The following RIT2 variants were observed in gnomAD, a reference collection of about 807,000 sequenced individuals.
RIT2 encodes the protein GTP-binding protein Rit2.
A neutral mutation model predicts 23.7 loss-of-function variants in RIT2; 24 were observed. The ratio of observed to expected loss-of-function variants is 1.01; its 90% confidence interval spans 0.73 to 1.43. RIT2 has a LOEUF of 1.43. RIT2 is among the 40% of genes most tolerant of loss of function. RIT2 has a pLI of 0.00. For synonymous variants in RIT2, 107 were observed against 91.1 expected, an observed-to-expected ratio of 1.17 and a Z score of -0.99; for missense variants, 236 against 266.9, an observed-to-expected ratio of 0.88 and a Z score of 0.81.
At chr18:42,929,231 CT>C (rs2144142360) in intron 3 of RIT2, among the ~76,000 whole-genome samples, 1 of 151,840 alleles carries the variant, frequency 6.6e-6, no homozygotes, top group South Asian at 2.1e-4. Context: ...CAAATCTCCC[CT>C]AAGCACTGAT....
intron 4 of RIT2, among the ~76,000 whole-genome samples, chr18:42,830,956 C>G (rs1428661383): frequency 6.6e-6 from 1 of 152,152 alleles, no homozygotes; most frequent in Non-Finnish European, 1.5e-5. Context: ...ATAGTATTTT[C>G]TAATTTACTC....
At chr18:43,065,475 GTTTTTA>G (rs940594059) in intron 1 of RIT2, among the ~76,000 whole-genome samples, 1 of 151,736 alleles carries the variant, frequency 6.6e-6, no homozygotes, top group Non-Finnish European at 1.5e-5. Flanking sequence ...ATTTTTTTCT[GTTTTTA>G]TTTTTATTTT....
At chr18:42,767,709 A>T (rs1371934493) in intron 4 of RIT2, among the ~76,000 whole-genome samples, 5 of 152,150 alleles carry the variant, frequency 3.3e-5, no homozygotes, top group African/African-American at 1.2e-4. Context: ...CCAGATCTCA[A>T]CTTGAATTGT....
intron 3 of RIT2, among the ~76,000 whole-genome samples, chr18:42,943,995 C>T (rs2144162461): frequency 6.6e-6 from 1 of 152,250 alleles, no homozygotes. Flanking sequence ...TTGCAATAGA[C>T]TCCTAGCTGC....
At chr18:42,922,272 T>A (rs1909073594) in intron 4 of RIT2, among the ~76,000 whole-genome samples, 1 of 152,108 alleles carries the variant, frequency 6.6e-6, no homozygotes, top group African/African-American at 2.4e-5. Flanking sequence ...AGCATGAAAA[T>A]TCATATTTAT....
intron 1 of RIT2, among the ~76,000 whole-genome samples, chr18:43,096,456 G>A (rs1241318712): frequency 6.6e-6 from 1 of 151,770 alleles, no homozygotes; most frequent in Non-Finnish European, 1.5e-5. Flanking sequence ...TTTTAACATG[G>A]AAAATTTCAT....
At chr18:42,928,894 G>C (rs1042836218) in intron 3 of RIT2, among the ~76,000 whole-genome samples, 8 of 151,410 alleles carry the variant, frequency 5.3e-5, no homozygotes, top group Non-Finnish European at 1.2e-4. Flanking sequence ...CACATATTTT[G>C]AGGAATGCAT....
At chr18:42,804,430 C>T (rs1905621335) in intron 4 of RIT2, among the ~76,000 whole-genome samples, 2 of 151,904 alleles carry the variant, frequency 1.3e-5, no homozygotes, top group African/African-American at 4.8e-5. Flanking sequence ...TGGTGAGCAC[C>T]TGTAATCCCA....
At chr18:43,073,560 A>T (rs1007717900) in intron 1 of RIT2, among the ~76,000 whole-genome samples, 1 of 152,228 alleles carries the variant, frequency 6.6e-6, no homozygotes, top group African/African-American at 2.4e-5. Context: ...TCGTCCAAAG[A>T]TAACCCTGCC....
chr18:43,072,429 T>A (rs183163101), intron 1 of RIT2, among the ~76,000 whole-genome samples: 2 of 152,182 alleles, frequency 1.3e-5, no homozygotes, highest in Admixed American at 1.3e-4. Flanking sequence ...GGGCTAAGAG[T>A]TCTTTTTAGC....
chr18:43,105,490 G>GAAGAGAGGAAGGGAGGAAGGGAGGAAGGA (rs1568083814), intron 1 of RIT2, among the ~76,000 whole-genome samples: 28 of 118,208 alleles, frequency 2.4e-4, no homozygotes, highest in Admixed American at 4.5e-4. Context: ...GGGAGGAAGG[G>GAAGAGAGGAAGGGAGGAAGGGAGGAAGGA]AGGAAGAAAG....
At chr18:43,091,613 G>A (rs970755550) in intron 1 of RIT2, among the ~76,000 whole-genome samples, 1 of 152,026 alleles carries the variant, frequency 6.6e-6, no homozygotes, top group African/African-American at 2.4e-5. Flanking sequence ...TGAGCCACAT[G>A]TGCCTCAGAT....
intron 4 of RIT2, among the ~76,000 whole-genome samples, chr18:42,900,874 C>T (rs780749438): frequency 1.3e-5 from 2 of 152,048 alleles, no homozygotes; most frequent in Non-Finnish European, 2.9e-5. Flanking sequence ...TTAACAGTGG[C>T]TCTCAAAGTG....
chr18:42,932,694 G>A (rs1357715199), intron 3 of RIT2, among the ~76,000 whole-genome samples: 1 of 152,030 alleles, frequency 6.6e-6, no homozygotes, highest in Non-Finnish European at 1.5e-5. Flanking sequence ...TCAGAGCCCA[G>A]AAAGGTAGTG....
intron 1 of RIT2, among the ~76,000 whole-genome samples, chr18:43,090,000 T>C (rs1913383067): frequency 6.6e-6 from 1 of 151,906 alleles, no homozygotes; most frequent in Non-Finnish European, 1.5e-5. Context: ...ATGAGGAAGA[T>C]GCCAAAAGCA....
At chr18:42,961,298 T>A (rs934836287) in intron 3 of RIT2, among the ~76,000 whole-genome samples, 2 of 152,222 alleles carry the variant, frequency 1.3e-5, no homozygotes, top group African/African-American at 2.4e-5. Flanking sequence ...TGCTTAGAAA[T>A]ACTATTAAAG....
At chr18:43,002,667 C>T (rs1168759612) in intron 2 of RIT2, among the ~76,000 whole-genome samples, 1 of 151,866 alleles carries the variant, frequency 6.6e-6, no homozygotes, top group East Asian at 1.9e-4. Flanking sequence ...AAATCTGATA[C>T]ATTTTAATTA....
At chr18:42,959,315 C>A (rs1316530316) in intron 3 of RIT2, among the ~76,000 whole-genome samples, 2 of 152,000 alleles carry the variant, frequency 1.3e-5, no homozygotes, top group Non-Finnish European at 2.9e-5. Context: ...CATTTTAAGA[C>A]AACAAAAATG....
At chr18:42,897,824 G>T (rs1340609267) in intron 4 of RIT2, among the ~76,000 whole-genome samples, 1 of 152,150 alleles carries the variant, frequency 6.6e-6, no homozygotes, top group African/African-American at 2.4e-5. Context: ...CAAGTATAAA[G>T]ATGCCTGGAT....
Sources: gnomAD v4.1 joint callset for allele counts (sites outside exome capture counted in the v4.1 genomes callset) on GRCh38, gnomAD v4.1.1 for gene constraint, MANE v1.5 for transcripts, NCBI Gene and HGNC (gene_info 2026-07-23, HGNC 2026-07-21) for gene names.